Variants in BCL2 observed in about 807,000 individuals in gnomAD.
The protein encoded by BCL2 is BCL2 apoptosis regulator.
A neutral mutation model predicts 14.2 loss-of-function variants in BCL2; 1 was observed. The observed-to-expected ratio is 0.07, with a 90% CI of 0.02 to 0.33. The LOEUF is 0.33. Ranked by LOEUF, BCL2 falls within the 10% of genes least tolerant of loss-of-function variation. The probability of loss-of-function intolerance (pLI) is 0.99; values close to 1 mark genes in which losing one functional copy is unlikely to be tolerated. For missense variants in BCL2, 247 were observed against 305.9 expected (o/e 0.81, Z 1.44); for synonymous variants, 151 against 137.2 (o/e 1.10, Z -0.70).
At chr18:63,161,460 C>T (rs1914919820) in intron 2 of BCL2, among the ~76,000 whole-genome samples, 1 of 152,150 alleles carries the variant, frequency 6.6e-6, no homozygotes, top group African/African-American at 2.4e-5. Context: ...TGAAGACCTT[C>T]GAGGCTCAGC....
intron 2 of BCL2, among the ~76,000 whole-genome samples, chr18:63,297,695 A>G (rs1912838141): frequency 6.6e-6 from 1 of 152,244 alleles, no homozygotes; most frequent in African/African-American, 2.4e-5. Flanking sequence ...TTGAAAAAGC[A>G]TTAGTCTGTG....
chr18:63,203,288 T>C (rs886461048), intron 2 of BCL2, among the ~76,000 whole-genome samples: 1 of 152,216 alleles, frequency 6.6e-6, no homozygotes, highest in Admixed American at 6.5e-5. Flanking sequence ...TTAAAGAGAA[T>C]TCCTCCGTCA....
intron 2 of BCL2, among the ~76,000 whole-genome samples, chr18:63,267,884 TTC>T (rs1911879722): frequency 6.6e-6 from 1 of 152,164 alleles, no homozygotes; most frequent in African/African-American, 2.4e-5. Flanking sequence ...TTCCCTTTCC[TTC>T]TCTGTTTTTC....
intron 2 of BCL2, among the ~76,000 whole-genome samples, chr18:63,141,604 T>G (rs1914363442): frequency 6.6e-6 from 1 of 152,196 alleles, no homozygotes; most frequent in Admixed American, 6.5e-5. Context: ...GGTGGGAAGC[T>G]CTGATTATAT....
chr18:63,268,040 C>T (rs902925884), intron 2 of BCL2, among the ~76,000 whole-genome samples: 2 of 152,236 alleles, frequency 1.3e-5, no homozygotes, highest in African/African-American at 4.8e-5. Context: ...AACATTCCTG[C>T]ATTCCTTTTG....
At chr18:63,197,610 C>T (rs1032822935) in intron 2 of BCL2, among the ~76,000 whole-genome samples, 1 of 149,892 alleles carries the variant, frequency 6.7e-6, no homozygotes, top group Non-Finnish European at 1.5e-5. Flanking sequence ...ATCAGGGGAA[C>T]GGTCACAGCA....
At chr18:63,206,501 C>T (rs1177543541) in intron 2 of BCL2, among the ~76,000 whole-genome samples, 2 of 152,172 alleles carry the variant, frequency 1.3e-5, no homozygotes, top group East Asian at 1.9e-4. Flanking sequence ...CTGTCTTCTG[C>T]GAGGCTGAAT....
intron 2 of BCL2, among the ~76,000 whole-genome samples, chr18:63,177,638 C>T (rs1915379904): frequency 6.6e-6 from 1 of 152,250 alleles, no homozygotes; most frequent in Non-Finnish European, 1.5e-5. Flanking sequence ...AGGCACCTAG[C>T]ACAAGGTGTG....
At chr18:63,193,641 C>T (rs956560997) in intron 2 of BCL2, among the ~76,000 whole-genome samples, 1 of 151,200 alleles carries the variant, frequency 6.6e-6, no homozygotes, top group Admixed American at 6.6e-5. Context: ...AATACACACA[C>T]ACATATATAT....
chr18:63,273,903 G>C (rs1008105417), intron 2 of BCL2, among the ~76,000 whole-genome samples: 2 of 152,148 alleles, frequency 1.3e-5, no homozygotes, highest in Non-Finnish European at 2.9e-5. Flanking sequence ...GAGGGAAATA[G>C]ACAAATGAAA....
At chr18:63,240,754 G>A (rs1202379433) in intron 2 of BCL2, among the ~76,000 whole-genome samples, 1 of 152,168 alleles carries the variant, frequency 6.6e-6, no homozygotes. Flanking sequence ...TCTGTAGTAC[G>A]TGCTGCATTC....
intron 2 of BCL2, among the ~76,000 whole-genome samples, chr18:63,276,450 G>C (rs1239680710): frequency 6.6e-6 from 1 of 152,168 alleles, no homozygotes; most frequent in African/African-American, 2.4e-5. Context: ...TGGACAACCT[G>C]CAGTACATGG....
chr18:63,221,958 G>C (rs577973212), intron 2 of BCL2, among the ~76,000 whole-genome samples: 1 of 152,132 alleles, frequency 6.6e-6, no homozygotes, highest in Non-Finnish European at 1.5e-5. Flanking sequence ...ATGTAGAAAC[G>C]ATTTCACAAC....
At chr18:63,180,662 G>A (rs1157374697) in intron 2 of BCL2, among the ~76,000 whole-genome samples, 1 of 152,228 alleles carries the variant, frequency 6.6e-6, no homozygotes, top group Non-Finnish European at 1.5e-5. Context: ...AGGGGGAACT[G>A]AAGCTGCATT....
At chr18:63,213,675 G>A (rs1247550012) in intron 2 of BCL2, among the ~76,000 whole-genome samples, 1 of 151,950 alleles carries the variant, frequency 6.6e-6, no homozygotes, top group Admixed American at 6.6e-5. Context: ...ACTTTTCCCG[G>A]CACTGAGAAT....
At chr18:63,210,699 C>T (rs1353554345) in intron 2 of BCL2, among the ~76,000 whole-genome samples, 1 of 152,174 alleles carries the variant, frequency 6.6e-6, no homozygotes, top group Non-Finnish European at 1.5e-5. Context: ...TTTATCTAGC[C>T]CATAAGCCTT....
intron 2 of BCL2, chr18:63,207,728 A>G (rs896745127): frequency 5.9e-5 from 9 of 152,308 alleles, no homozygotes; most frequent in African/African-American, 2.2e-4. Flanking sequence ...AGTCCCTGCG[A>G]TATATAATGG....
intron 2 of BCL2, among the ~76,000 whole-genome samples, chr18:63,248,512 C>T (rs78869462): frequency 0.04 from 6,042 of 152,244 alleles, 207 homozygotes; most frequent in African/African-American, 0.091. Flanking sequence ...TTTGTAAAAT[C>T]TTCTCCTGAA....
chr18:63,136,550 G>A (rs1013582797), intron 2 of BCL2, among the ~76,000 whole-genome samples: 51 of 152,292 alleles, frequency 3.3e-4, no homozygotes, highest in African/African-American at 1.2e-3. Context: ...GGGAGATGAT[G>A]CTAGGAACTC....
Sources: gnomAD v4.1 joint callset for allele counts (sites outside exome capture counted in the v4.1 genomes callset) on GRCh38, gnomAD v4.1.1 for gene constraint, MANE v1.5 for transcripts, NCBI Gene and HGNC (gene_info 2026-07-23, HGNC 2026-07-21) for gene names.